Variants in LMNB1 observed in about 807,000 individuals in gnomAD.
The protein encoded by LMNB1 is lamin-B1.
In LMNB1, 23 loss-of-function variants were observed where a neutral mutation model predicts 67.1. The observed-to-expected ratio is 0.34, with a 90% CI of 0.25 to 0.49. The LOEUF is 0.49. LMNB1 is among the 20% of genes least tolerant of loss of function. The pLI, the probability that LMNB1 is intolerant of heterozygous loss-of-function variation, is 0.99. For synonymous variants in LMNB1, 281 were observed against 282.9 expected, an observed-to-expected ratio of 0.99 and a Z score of 0.07; for missense variants, 634 against 746.5, an observed-to-expected ratio of 0.85 and a Z score of 1.76.
chr5:126,799,729 A>G (rs1180067965), intron 1 of LMNB1, among the ~76,000 whole-genome samples: 1 of 152,218 alleles, frequency 6.6e-6, no homozygotes. Context: ...TCTCAAAACT[A>G]GGGACCTGGA....
At chr5:126,826,182 G>C in intron 9 of LMNB1, 75 bp downstream of exon 9, 1 of 1,497,592 alleles carries the variant, frequency 6.7e-7, no homozygotes, top group South Asian at 1.3e-5. Context: ...ATCAAGATCA[G>C]ATTGAAACGT....
chr5:126,792,300 G>A (rs965617424), intron 1 of LMNB1, among the ~76,000 whole-genome samples: 4 of 151,596 alleles, frequency 2.6e-5, no homozygotes, highest in African/African-American at 4.8e-5. Flanking sequence ...GTGCCATTAC[G>A]CCTGGCTAAC....
At chr5:126,805,789 T>G (rs769892968) in intron 3 of LMNB1, 93 bp downstream of exon 3, 3 of 973,970 alleles carry the variant, frequency 3.1e-6, no homozygotes, top group Non-Finnish European at 4.4e-6. Context: ...TATTTATGAT[T>G]TCTTTGCCAC....
chr5:126,799,362 G>GA (rs1160138094), intron 1 of LMNB1, among the ~76,000 whole-genome samples: 4 of 152,218 alleles, frequency 2.6e-5, no homozygotes, highest in Admixed American at 1.3e-4. Context: ...GGAGGAAGAG[G>GA]AAAAATATAT....
chr5:126,813,367 G>T (rs1751625776), intron 5 of LMNB1, among the ~76,000 whole-genome samples: 1 of 152,130 alleles, frequency 6.6e-6, no homozygotes. Flanking sequence ...TTAATGATTT[G>T]CCCGTTGCCC....
In LMNB1 at chr5:126,821,125, C is replaced by G. The variant is rs1170437008; in HGVS notation, c.1376C>G (p.Thr459Ser). Residue 459 changes from threonine to serine, a missense_variant, in exon 7 of 11, where the codon ACT becomes AGT. Thr to Ser is a moderately conservative substitution (Grantham distance 58, BLOSUM62 1). Coordinates refer to ENST00000261366, the MANE Select transcript of LMNB1 (RefSeq NM_005573.4). ...VDGKFIRLKN[T>S]SEQDQPMGGW... ...GGGAAATTTATCCGCTTGAAGAACA[C>G]TTCTGAACAGGTAATAAAATAGACC... is the stretch of plus-strand genomic sequence containing the variant. 1.2e-6 allele frequency: 2 copies of G among 1,609,122 alleles called. No homozygotes were observed. The highest frequency in any genetic ancestry group is 2.2e-5 in the South Asian group (2 of 90,974).
In LMNB1 at chr5:126,819,053, G is replaced by A; in HGVS notation, c.1071G>A (p.Leu357=). The change falls in exon 6 of 11, where the codon CTG becomes CTA. Residue 357 remains leucine, a synonymous_variant. Transcript: ENST00000261366. ...TAAGGGATCAAATGCAGCAACAGCT[G>A]AATGACTATGAACAGCTTCTTGATG... ...AEIRDQMQQQ[L]NDYEQLLDVK... 1 of 1,614,142 alleles carries A rather than the reference G, an allele frequency of 6.2e-7. No individual in the cohort carries two copies. Among genetic ancestry groups the A allele is most frequent in the Non-Finnish European group, 8.5e-7 (1 of 1,180,016 alleles).
intron 1 of LMNB1, among the ~76,000 whole-genome samples, chr5:126,798,362 A>AT (rs1751164602): frequency 6.6e-6 from 1 of 151,956 alleles, no homozygotes; most frequent in African/African-American, 2.4e-5. Flanking sequence ...AGGCAGGTGA[A>AT]TGGCGTGAAC....
At chr5:126,799,832 A>T (rs1043931983) in intron 1 of LMNB1, among the ~76,000 whole-genome samples, 7 of 152,230 alleles carry the variant, frequency 4.6e-5, no homozygotes, top group Non-Finnish European at 2.9e-5. Flanking sequence ...GGTTAGAAAA[A>T]GCAAAAGTGT....
intron 1 of LMNB1, among the ~76,000 whole-genome samples, chr5:126,778,916 A>C (rs1750553925): frequency 6.6e-6 from 1 of 152,220 alleles, no homozygotes; most frequent in African/African-American, 2.4e-5. Flanking sequence ...ATACATTTGC[A>C]GACCTTTGCT....
intron 1 of LMNB1, among the ~76,000 whole-genome samples, chr5:126,778,753 G>A (rs73333436): frequency 0.015 from 2,261 of 152,210 alleles, 61 homozygotes; most frequent in African/African-American, 0.051. Context: ...CAGGCTTTCG[G>A]GTAGAGACTG....
At chr5:126,787,546 A>ATATATATATATATATATATTTTTT in intron 1 of LMNB1, among the ~76,000 whole-genome samples, 2 of 65,582 alleles carry the variant, frequency 3.0e-5, no homozygotes, top group African/African-American at 6.6e-5. Context: ...ATATATATAT[A>ATATATATATATATATATATTTTTT]TTTTTTTTTT....
In LMNB1 at chr5:126,805,562, T is replaced by C. The variant is rs780469813; in HGVS notation, c.517-9T>C. ...TAATTTTTATCACAATTCTTTTTCCTTGTAATAGTTGGAAGCCTCCTTAGC... is the reference window on the plus strand; with the variant it reads ...TAATTTTTATCACAATTCTTTTTCCCTGTAATAGTTGGAAGCCTCCTTAGC... On this transcript the variant is annotated splice_polypyrimidine_tract_variant and intron_variant, in intron 2 of 10. Coordinates refer to ENST00000261366, the MANE Select transcript of LMNB1 (RefSeq NM_005573.4). 6.3e-7 allele frequency: 1 copy of C among 1,581,766 alleles called. No individual in the cohort carries two copies. Among genetic ancestry groups the C allele is most frequent in the Admixed American group, 1.8e-5 (1 of 57,070 alleles).
Position 126,804,671 on chromosome 5 carries a change from G to A in LMNB1, c.360-105G>A, listed in dbSNP as rs946394184. ...TCTCTAATTTTGATAGGTGATGGGA[G>A]CCTTTATTTAAACTACTTCTTTTGT... On this transcript the variant is annotated intron_variant, in intron 1 of 10. Transcript: ENST00000261366. The A allele has an allele frequency of 2.0e-4, 205 of 1,005,778 alleles. 2 individuals are homozygous for A. The East Asian group carries it at 5.4e-3, about 26-fold the overall frequency. The allele number at this position is 1,005,778 out of a possible 1,614,324, so 62.3% of individuals were successfully genotyped here. A position where few individuals can be genotyped will look rare whatever the true frequency, so the allele number is the denominator to read the frequency against.
chr5:126,815,360 T>C, intron 5 of LMNB1: 1 of 152,218 alleles, frequency 6.6e-6, no homozygotes, highest in Non-Finnish European at 1.5e-5. Context: ...GTTTTGGAAT[T>C]AGAAATTTTA....
chr5:126,818,077 A>T (rs1315350418), intron 5 of LMNB1, among the ~76,000 whole-genome samples: 2 of 152,136 alleles, frequency 1.3e-5, no homozygotes, highest in Non-Finnish European at 2.9e-5. Flanking sequence ...TTTGTGTGCT[A>T]ACTGAACATG....
At chr5:126,825,095 A>G (rs1370566185) in intron 8 of LMNB1, among the ~76,000 whole-genome samples, 1 of 152,020 alleles carries the variant, frequency 6.6e-6, no homozygotes, top group African/African-American at 2.4e-5. Flanking sequence ...TTCTGTTTCT[A>G]TTTGTTTTTA....
At chr5:126,810,106 G>A (rs919760623) in intron 3 of LMNB1, 74 bp from the exon 4 acceptor site, 1 of 1,380,928 alleles carries the variant, frequency 7.2e-7, no homozygotes, top group Non-Finnish European at 1.0e-6. Flanking sequence ...TCAGATGGCT[G>A]TGATGTCACT....
At position 126,836,658 on chromosome 5, in the gene LMNB1, C is replaced by G. The variant is rs1395076586; in HGVS notation, c.*394C>G. 1 of 369,882 alleles carries G rather than the reference C, an allele frequency of 2.7e-6. No homozygotes were observed. Among genetic ancestry groups the G allele is most frequent in the Non-Finnish European group, 4.8e-6 (1 of 210,076 alleles). The allele number at this position is 369,882 out of a possible 1,614,324, so 22.9% of individuals were successfully genotyped here. On this transcript the variant is annotated 3_prime_UTR_variant, in exon 11 of 11. Transcript: ENST00000261366. Reference sequence around the variant, plus strand: ...AGACTAGCAATCTCTTCATTATTCTCTGCTATATATAAAACGGTGCTGTGA... The same window carrying G: ...AGACTAGCAATCTCTTCATTATTCTGTGCTATATATAAAACGGTGCTGTGA...
Sources: gnomAD v4.1 joint callset for allele counts (sites outside exome capture counted in the v4.1 genomes callset) on GRCh38, gnomAD v4.1.1 for gene constraint, MANE v1.5 for transcripts, NCBI Gene and HGNC (gene_info 2026-07-23, HGNC 2026-07-21) for gene names.